Variants in PCDHGA7 observed in about 807,000 individuals in gnomAD.
The protein encoded by PCDHGA7 is protocadherin gamma-A7.
PCDHGA7 carries 44 observed loss-of-function variants against 58.3 expected under a neutral mutation model. The ratio of observed to expected loss-of-function variants is 0.75; its 90% CI spans 0.59 to 0.97. The LOEUF (loss-of-function observed/expected upper bound fraction) is 0.97, where lower values mean the gene tolerates loss of function less well. Ranked by LOEUF, PCDHGA7 falls within the 50% of genes least tolerant of loss-of-function variation. The probability of loss-of-function intolerance (pLI) is 0.00; values close to 1 mark genes in which losing one functional copy is unlikely to be tolerated. For synonymous variants in PCDHGA7, 516 were observed against 504.2 expected, an observed-to-expected ratio of 1.02 and a Z score of -0.31; for missense variants, 1,266 against 1,188.7, an observed-to-expected ratio of 1.06 and a Z score of -0.96.
intron 1 of PCDHGA7, chr5:141,409,784 T>G: frequency 3.1e-6 from 5 of 1,612,248 alleles, no homozygotes; most frequent in Non-Finnish European, 4.2e-6. Flanking sequence ...GCTGCGCGCC[T>G]TCGCGCTCAC....
At chr5:141,427,411 A>C (rs1256606726) in intron 1 of PCDHGA7, 2 of 464,124 alleles carry the variant, frequency 4.3e-6, no homozygotes, top group Admixed American at 2.3e-5. Flanking sequence ...GATTCGAGAG[A>C]AAATGGGGAG....
At chr5:141,426,898 C>T (rs1246109323) in intron 1 of PCDHGA7, 1 of 456,634 alleles carries the variant, frequency 2.2e-6, no homozygotes, top group African/African-American at 2.0e-5. Flanking sequence ...CAACAGAGCT[C>T]TCATCTCCTG....
chr5:141,455,855 C>A (rs1267803457), intron 1 of PCDHGA7, among the ~76,000 whole-genome samples: 4 of 147,088 alleles, frequency 2.7e-5, no homozygotes, highest in African/African-American at 1.0e-4. Flanking sequence ...AAAATAATTT[C>A]TTTTATTATT....
At chr5:141,389,635 A>G in intron 1 of PCDHGA7, 1 of 1,612,978 alleles carries the variant, frequency 6.2e-7, no homozygotes, top group Non-Finnish European at 8.5e-7. Flanking sequence ...GAGCCTGGCT[A>G]CTTGGTGACC....
chr5:141,419,738 C>T (rs745596534), intron 1 of PCDHGA7: 2 of 1,613,796 alleles, frequency 1.2e-6, no homozygotes, highest in Non-Finnish European at 1.7e-6. Flanking sequence ...AGGCGAGGTG[C>T]GCATGGTGCG....
chr5:141,490,923 C>T lies in PCDHGA7; in HGVS notation c.2425-3884C>T. The T allele has an allele frequency of 6.2e-7, 1 of 1,613,668 alleles. No homozygotes were observed. Among genetic ancestry groups the T allele is most frequent in the South Asian group, 1.1e-5 (1 of 91,050 alleles). On this transcript the variant is annotated intron_variant, in intron 1 of 3. Coordinates refer to ENST00000518325, the MANE Select transcript of PCDHGA7 (RefSeq NM_018920.4). The surrounding 1 kb of genome is among the most constrained non-coding windows in gnomAD (Gnocchi z 5.4). ...TTGTCCTAGACGAGAATGATAATGC[C>T]CCAGCTGTGCTGCACCCACGGCCAG...
intron 1 of PCDHGA7, chr5:141,398,722 A>T: frequency 1.9e-6 from 3 of 1,613,816 alleles, no homozygotes; most frequent in Non-Finnish European, 2.5e-6. Context: ...ACTGGAGAAA[A>T]CCTTAGACCG....
chr5:141,490,942 C>G lies in PCDHGA7; in HGVS notation c.2425-3865C>G. 1 of 1,613,644 alleles carries G rather than the reference C, an allele frequency of 6.2e-7. No individual in the cohort carries two copies. Among genetic ancestry groups the G allele is most frequent in the Non-Finnish European group, 8.5e-7 (1 of 1,179,760 alleles). On this transcript the variant is annotated intron_variant, in intron 1 of 3. Transcript: ENST00000518325. This position sits in a 1 kb window ranked among gnomAD's most constrained non-coding sequence, Gnocchi z 5.4. ...TAATGCCCCAGCTGTGCTGCACCCA[C>G]GGCCAGACTGGGAACACTCAGCCCC...
chr5:141,410,980 A>G (rs2095454359), intron 1 of PCDHGA7: 1 of 175,670 alleles, frequency 5.7e-6, no homozygotes, highest in South Asian at 1.4e-4. Context: ...CAGCCTCCCA[A>G]GTAGCTGGGA....
At chr5:141,453,071 C>G (rs561248978) in intron 1 of PCDHGA7, among the ~76,000 whole-genome samples, 13 of 152,150 alleles carry the variant, frequency 8.5e-5, no homozygotes, top group South Asian at 2.1e-4. Flanking sequence ...TTTTGCCACA[C>G]TCTGGTTGAT....
At chr5:141,395,205 C>T (rs770683946) in intron 1 of PCDHGA7, 2 of 1,613,660 alleles carry the variant, frequency 1.2e-6, no homozygotes, top group Non-Finnish European at 1.7e-6. Flanking sequence ...CGTAGATTTT[C>T]ATGAATATAA....
rs1780562640 is a variant in PCDHGA7 at position 141,384,825 on chromosome 5, CG to C, written c.1927del (p.Val643TrpfsTer63). The C allele has an allele frequency of 1.2e-6, 2 of 1,613,472 alleles. No individual in the cohort carries two copies. Among genetic ancestry groups the C allele is most frequent in the Non-Finnish European group, 1.7e-6 (2 of 1,179,918 alleles). ...LDRDALKQSL[V>X]VAVQDHGQPP... ...ACAGAGATGCCCTCAAGCAGAGCCT[CG>C]TGGTGGCCGTCCAGGACCACGGTCA... is the stretch of plus-strand genomic sequence containing the variant. On this transcript the variant is annotated frameshift_variant, in exon 1 of 4. Coordinates refer to ENST00000518325, the MANE Select transcript of PCDHGA7 (RefSeq NM_018920.4). LOFTEE classifies it high-confidence loss of function.
At position 141,384,440 on chromosome 5, in the gene PCDHGA7, T is replaced by C. The variant is rs766102464; in HGVS notation, c.1541T>C (p.Leu514Pro). The change falls in exon 1 of 4, where the codon CTG becomes CCG. Residue 514 changes from leucine to proline, a missense_variant. Leu to Pro is a moderately conservative substitution (Grantham distance 98, BLOSUM62 -3). Transcript: ENST00000518325. ...YVSINSDTGV[L>P]YALQSFDYEQ... The stretch of plus-strand genomic sequence containing the variant: ...TCCATAAACTCTGACACTGGAGTCC[T>C]GTACGCGCTGCAATCCTTTGATTAT... 3.7e-6 allele frequency: 6 copies of C among 1,614,046 alleles called. No individual in the cohort carries two copies. Among genetic ancestry groups the C allele is most frequent in the Non-Finnish European group, 4.2e-6 (5 of 1,179,910 alleles).
intron 1 of PCDHGA7, chr5:141,413,787 A>G (rs2095678061): frequency 6.2e-7 from 1 of 1,613,170 alleles, no homozygotes; most frequent in African/African-American, 1.3e-5. Flanking sequence ...AGCACTCCCT[A>G]GATCGCGAGG....
intron 1 of PCDHGA7, chr5:141,414,615 G>A: frequency 6.2e-7 from 1 of 1,613,962 alleles, no homozygotes; most frequent in Non-Finnish European, 8.5e-7. Context: ...CAGTGACAGC[G>A]CTGGACCCGG....
chr5:141,383,880 T>A lies in PCDHGA7; in HGVS notation c.981T>A (p.Ser327Arg). The change falls in exon 1 of 4, where the codon AGT (serine) becomes AGA (arginine). Residue 327 changes from serine (S) to arginine (R), a missense_variant. Transcript: ENST00000518325. ...TTCAGGCTCAAGATGGTCCTGGTAGTCTGACAAAGGCAAAAGTACTGATCA... is the reference window on the plus strand; with the variant it reads ...TTCAGGCTCAAGATGGTCCTGGTAGACTGACAAAGGCAAAAGTACTGATCA... ...MEVQAQDGPG[S>R]LTKAKVLITV... 2 of 1,613,994 alleles carry A rather than the reference T, an allele frequency of 1.2e-6. No individual in the cohort carries two copies. Among genetic ancestry groups the A allele is most frequent in the Non-Finnish European group, 1.7e-6 (2 of 1,179,880 alleles).
At chr5:141,393,175 T>C in intron 1 of PCDHGA7, 2 of 1,613,210 alleles carry the variant, frequency 1.2e-6, no homozygotes, top group Non-Finnish European at 1.7e-6. Flanking sequence ...GGGGTAGAAA[T>C]AGAAATAATT....
In PCDHGA7 at chr5:141,383,115, G is replaced by T; in HGVS notation, c.216G>T (p.Thr72=). Residue 72 remains threonine (T), a synonymous_variant, in exon 1 of 4, where the codon ACG becomes ACT. Transcript: ENST00000518325. ...TCCGCATCATCTCCAGAGGTAGGACGCAGCTTTTCGCCCTGAACCAGCGCA... is the reference window on the plus strand; with the variant it reads ...TCCGCATCATCTCCAGAGGTAGGACTCAGCTTTTCGCCCTGAACCAGCGCA... ...RGVRIISRGR[T]QLFALNQRSG... 1 of 1,614,078 alleles carries T rather than the reference G, an allele frequency of 6.2e-7. No individual in the cohort carries two copies. Among genetic ancestry groups the T allele is most frequent in the Non-Finnish European group, 8.5e-7 (1 of 1,179,982 alleles).
chr5:141,490,488 C>A lies in PCDHGA7; in HGVS notation c.2425-4319C>A, dbSNP rs142637733. 6.2e-7 allele frequency: 1 copy of A among 1,614,018 alleles called. No homozygotes were observed. Among genetic ancestry groups the A allele is most frequent in the African/African-American group, 1.3e-5 (1 of 74,904 alleles). ...CCAGCCAGCCTTTGGACCGGGAGGC[C>A]ACATCCCACTATATCATCGAGCTGC... On this transcript the variant is annotated intron_variant, in intron 1 of 3. Coordinates refer to ENST00000518325, the MANE Select transcript of PCDHGA7 (RefSeq NM_018920.4). The surrounding 1 kb of genome is among the most constrained non-coding windows in gnomAD (Gnocchi z 5.4).
Sources: gnomAD v4.1 joint callset for allele counts (sites outside exome capture counted in the v4.1 genomes callset) on GRCh38, gnomAD v4.1.1 for gene constraint, Gnocchi (gnomAD v3.1) non-coding constraint, MANE v1.5 for transcripts, NCBI Gene and HGNC (gene_info 2026-07-23, HGNC 2026-07-21) for gene names.